The following ITSN2 variants were observed in gnomAD, a reference collection of about 807,000 sequenced individuals.
ITSN2 encodes intersectin-2.
In ITSN2, 156 loss-of-function variants were observed where a neutral mutation model predicts 243.7. The ratio of observed to expected loss-of-function variants is 0.64; its 90% CI spans 0.56 to 0.73. The LOEUF is 0.73. Among genes scored for constraint, ITSN2 ranks in the 30% least tolerant of loss-of-function variants. ITSN2 has a pLI of 0.00. For synonymous variants in ITSN2, 703 were observed against 699.9 expected (o/e 1.00, Z -0.07); for missense variants, 1,801 against 1,996.1 (o/e 0.90, Z 1.86).
At chr2:24,257,085 G>A (rs918520025) in intron 23 of ITSN2, among the ~76,000 whole-genome samples, 1 of 152,208 alleles carries the variant, frequency 6.6e-6, no homozygotes, top group Non-Finnish European at 1.5e-5. Flanking sequence ...GGGAGGTGGA[G>A]GCAGGAAGAT....
Position 24,340,807 on chromosome 2 carries a change from A to T in ITSN2, c.-33-12692T>A, listed in dbSNP as rs796930414. ...TTCTAGTTAGAGACCCACATTTGGT[A>T]GTTATCAGAGATTGGGAATACTTGT... On this transcript the variant is annotated intron_variant, in intron 1 of 39. Coordinates refer to ENST00000355123, the MANE Select transcript of ITSN2 (RefSeq NM_006277.3). 1.4e-4 allele frequency among the ~76,000 whole-genome samples: 21 copies of T among 152,326 alleles called. 1 individual carries two copies. Among genetic ancestry groups the T allele is most frequent in the African/African-American group, 4.8e-4 (20 of 41,574 alleles).
In ITSN2 at chr2:24,271,947, CATAAAA is replaced by C. The variant is rs781242522; in HGVS notation, c.2082-12_2082-7del. 7.3e-7 allele frequency: 1 copy of C among 1,371,680 alleles called. No homozygotes were observed. The highest frequency in any genetic ancestry group is 1.3e-5 in the South Asian group (1 of 78,662). The allele number at this position is 1,371,680 out of a possible 1,614,324, so 85.0% of individuals were successfully genotyped here. A position where few individuals can be genotyped will look rare whatever the true frequency, so the allele number is the denominator to read the frequency against. ...CTTTTCCTTGCTTTGCTTTCCTTTA[CATAAAA>C]GAAAAAGAGTTTGTATAATGTCCTA... On this transcript the variant is annotated splice_polypyrimidine_tract_variant and splice_region_variant and intron_variant, in intron 18 of 39. Coordinates refer to ENST00000355123, the MANE Select transcript of ITSN2 (RefSeq NM_006277.3).
At chr2:24,210,264 A>C in intron 34 of ITSN2, 1 of 518,666 alleles carries the variant, frequency 1.9e-6, no homozygotes, top group South Asian at 2.5e-5. Context: ...CTACCAGCTG[A>C]ATTCAAAGAA....
intron 1 of ITSN2, 37 bp from the exon 2 acceptor site, chr2:24,328,152 C>A: frequency 2.0e-6 from 3 of 1,511,784 alleles, no homozygotes; most frequent in South Asian, 2.3e-5. Flanking sequence ...GATAATACAA[C>A]AAGGGCAAAT....
chr2:24,238,409 T>C (rs1406580658), intron 29 of ITSN2, among the ~76,000 whole-genome samples: 2 of 152,224 alleles, frequency 1.3e-5, no homozygotes, highest in East Asian at 1.9e-4. Flanking sequence ...TGTTGACAGA[T>C]GGACTGGATT....
chr2:24,264,967 T>C (rs1191631275), intron 20 of ITSN2, among the ~76,000 whole-genome samples: 4 of 152,082 alleles, frequency 2.6e-5, no homozygotes, highest in Non-Finnish European at 5.9e-5. Flanking sequence ...ATTTTTGTTG[T>C]TGTTGTAGAG....
intron 1 of ITSN2, among the ~76,000 whole-genome samples, chr2:24,343,192 A>G (rs533418597): frequency 5.9e-5 from 9 of 152,264 alleles, no homozygotes; most frequent in Admixed American, 3.9e-4. Flanking sequence ...ACAAATGTCA[A>G]TTAGCATAAG....
intron 18 of ITSN2, among the ~76,000 whole-genome samples, chr2:24,274,634 G>A (rs990555948): frequency 3.9e-5 from 6 of 152,138 alleles, no homozygotes; most frequent in Admixed American, 1.3e-4. Flanking sequence ...TTAACTGTCT[G>A]AATCTCCTAT....
chr2:24,260,330 G>A lies in ITSN2; in HGVS notation c.2682+776C>T, dbSNP rs547938356. On this transcript the variant is annotated intron_variant, in intron 22 of 39. Transcript: ENST00000355123. Reference sequence around the variant, plus strand: ...TTTTGAGTGAAGGTGAAATCTGGAGGACTTTGGACTTTATTCTGATGAAGT... The same window carrying A: ...TTTTGAGTGAAGGTGAAATCTGGAGAACTTTGGACTTTATTCTGATGAAGT... 3.3e-5 allele frequency among the ~76,000 whole-genome samples: 5 copies of A among 152,064 alleles called. No homozygotes were observed. In the East Asian group the frequency reaches 9.6e-4, roughly 29 times the overall value.
At chr2:24,218,634 C>T (rs534318109) in intron 30 of ITSN2, among the ~76,000 whole-genome samples, 8 of 152,124 alleles carry the variant, frequency 5.3e-5, no homozygotes, top group African/African-American at 1.2e-4. Context: ...AGTAGCTTCA[C>T]GGGTGATGGA....
chr2:24,262,441 A>C (rs1028535534), intron 20 of ITSN2, among the ~76,000 whole-genome samples: 1 of 152,074 alleles, frequency 6.6e-6, no homozygotes, highest in African/African-American at 2.4e-5. Context: ...TCTTCTCTGA[A>C]TACTATTTTC....
intron 13 of ITSN2, among the ~76,000 whole-genome samples, chr2:24,297,919 T>A (rs1266497277): frequency 2.1e-4 from 32 of 152,224 alleles, no homozygotes; most frequent in Admixed American, 2.1e-3. Context: ...TCTGTTTATA[T>A]GAAAATGTGA....
intron 20 of ITSN2, among the ~76,000 whole-genome samples, chr2:24,262,165 G>A (rs1031053818): frequency 6.6e-6 from 1 of 152,068 alleles, no homozygotes; most frequent in African/African-American, 2.4e-5. Flanking sequence ...TTGGCTATGG[G>A]AAATGAAGAT....
At position 24,342,924 on chromosome 2, in the gene ITSN2, T is replaced by A. The variant is rs528611218; in HGVS notation, c.-33-14809A>T. Among the ~76,000 whole-genome samples, 153 of 151,554 alleles carry A rather than the reference T, an allele frequency of 1.0e-3. 1 individual carries two copies. The highest frequency in any genetic ancestry group is 3.6e-3 in the African/African-American group (149 of 41,298). On this transcript the variant is annotated intron_variant, in intron 1 of 39. Coordinates refer to ENST00000355123, the MANE Select transcript of ITSN2 (RefSeq NM_006277.3). Reference sequence around the variant, plus strand: ...TGGGCAACACAGTGAAACCCCTCTCTACCAAAAATAAAAAAAATCAGCCAG... The same window carrying A: ...TGGGCAACACAGTGAAACCCCTCTCAACCAAAAATAAAAAAAATCAGCCAG...
chr2:24,257,624 T>C (rs1201668935), intron 23 of ITSN2, among the ~76,000 whole-genome samples: 1 of 151,724 alleles, frequency 6.6e-6, no homozygotes, highest in Non-Finnish European at 1.5e-5. Context: ...GCCCGGCTAA[T>C]TTTTGTATTT....
chr2:24,212,968 T>G, intron 32 of ITSN2, among the ~76,000 whole-genome samples: 1 of 152,240 alleles, frequency 6.6e-6, no homozygotes, highest in East Asian at 1.9e-4. Context: ...TACACTGATA[T>G]GTCGCACTGT....
intron 27 of ITSN2, among the ~76,000 whole-genome samples, chr2:24,247,474 G>A (rs1673537909): frequency 6.6e-6 from 1 of 152,162 alleles, no homozygotes; most frequent in South Asian, 2.1e-4. Flanking sequence ...GTTCTGTAAA[G>A]TCCTTCTAGT....
chr2:24,339,492 T>C (rs1310965626), intron 1 of ITSN2, among the ~76,000 whole-genome samples: 1 of 150,686 alleles, frequency 6.6e-6, no homozygotes, highest in Non-Finnish European at 1.5e-5. Context: ...AAAAAAGAGT[T>C]AAACCTTTAG....
intron 1 of ITSN2, chr2:24,334,825 A>T (rs1220265515): frequency 9.3e-6 from 9 of 970,268 alleles, no homozygotes; most frequent in Non-Finnish European, 1.4e-5. Flanking sequence ...GCACTTTGGG[A>T]GGCCGAGGCG....
Sources: allele counts gnomAD v4.1 joint callset (sites outside exome capture counted in the v4.1 genomes callset), GRCh38; gene constraint gnomAD v4.1.1; transcripts MANE v1.5; gene names NCBI Gene and HGNC (gene_info 2026-07-23, HGNC 2026-07-21).